Variants in COMMD10 observed in about 807,000 individuals in gnomAD.
COMMD10 encodes the protein COMM domain containing 10.
COMMD10 carries 33 observed loss-of-function variants against 28.9 expected under a neutral mutation model. The ratio of observed to expected loss-of-function variants is 1.14; its 90% CI spans 0.87 to 1.53. The LOEUF (loss-of-function observed/expected upper bound fraction) is 1.53. COMMD10 is among the 40% of genes most tolerant of loss of function. The pLI, the probability that COMMD10 is intolerant of heterozygous loss-of-function variation, is 0.00. For missense variants in COMMD10, 310 were observed against 233.4 expected, an observed-to-expected ratio of 1.33 and a Z score of -2.14; for synonymous variants, 110 against 81.7, an observed-to-expected ratio of 1.35 and a Z score of -1.87.
At chr5:116,226,883 G>T (rs1020588110) in intron 5 of COMMD10, among the ~76,000 whole-genome samples, 2 of 151,962 alleles carry the variant, frequency 1.3e-5, no homozygotes, top group African/African-American at 4.8e-5. Flanking sequence ...CTTTACATAT[G>T]GTCAGATTGC....
At chr5:116,127,417 C>T (rs1159511830) in intron 4 of COMMD10, among the ~76,000 whole-genome samples, 2 of 152,156 alleles carry the variant, frequency 1.3e-5, no homozygotes, top group Non-Finnish European at 2.9e-5. Context: ...CCAGCCATCC[C>T]ATTACTAGGT....
intron 5 of COMMD10, among the ~76,000 whole-genome samples, chr5:116,137,774 C>G (rs938015202): frequency 2.0e-5 from 3 of 151,992 alleles, no homozygotes; most frequent in Non-Finnish European, 4.4e-5. Flanking sequence ...TAGAACACTT[C>G]TGTCTCGAGG....
intron 4 of COMMD10, among the ~76,000 whole-genome samples, chr5:116,113,446 A>G (rs116174988): frequency 1.6e-3 from 243 of 149,522 alleles, no homozygotes; most frequent in Non-Finnish European, 2.8e-3. Flanking sequence ...CATAAGTTCA[A>G]TGCTGTATGC....
At chr5:116,152,136 A>G (rs907863351) in intron 5 of COMMD10, among the ~76,000 whole-genome samples, 5 of 152,020 alleles carry the variant, frequency 3.3e-5, no homozygotes, top group Non-Finnish European at 4.4e-5. Flanking sequence ...TTCAGGAGCA[A>G]GTTGTTCAGT....
intron 5 of COMMD10, among the ~76,000 whole-genome samples, chr5:116,167,051 C>G (rs1753144314): frequency 6.6e-6 from 1 of 151,882 alleles, no homozygotes; most frequent in African/African-American, 2.4e-5. Flanking sequence ...ACAAACTTCT[C>G]CGAGCTAAAG....
intron 5 of COMMD10, among the ~76,000 whole-genome samples, chr5:116,246,321 A>T (rs1261531349): frequency 6.6e-6 from 1 of 152,160 alleles, no homozygotes; most frequent in African/African-American, 2.4e-5. Context: ...AACACTGCTT[A>T]AAGAAATCAG....
chr5:116,279,092 G>A (rs572042094), intron 5 of COMMD10, among the ~76,000 whole-genome samples: 8 of 151,840 alleles, frequency 5.3e-5, no homozygotes, highest in Admixed American at 3.3e-4. Flanking sequence ...GTGCATGCAT[G>A]CAATTGGAAG....
At chr5:116,133,281 G>A (rs1398455734) in intron 4 of COMMD10, among the ~76,000 whole-genome samples, 1 of 152,188 alleles carries the variant, frequency 6.6e-6, no homozygotes, top group Non-Finnish European at 1.5e-5. Context: ...GAGCTGTGAA[G>A]TTCAGTATAA....
At chr5:116,287,187 T>G (rs534205661) in intron 5 of COMMD10, among the ~76,000 whole-genome samples, 1 of 151,798 alleles carries the variant, frequency 6.6e-6, no homozygotes, top group Non-Finnish European at 1.5e-5. Context: ...TTGTACTTTT[T>G]CTTAAAGCTG....
Position 116,228,415 on chromosome 5 carries a change from T to C in COMMD10, c.511-63102T>C, listed in dbSNP as rs185828686. On this transcript the variant is annotated intron_variant, in intron 5 of 6. Coordinates refer to ENST00000274458, the MANE Select transcript of COMMD10 (RefSeq NM_016144.4). Reference sequence around the variant, plus strand: ...CAATGACACAAGCTATATGTTAATATTAAATTAATATAGACAAATTAAAGA... The same window carrying C: ...CAATGACACAAGCTATATGTTAATACTAAATTAATATAGACAAATTAAAGA... Among the ~76,000 whole-genome samples, 1,230 of 152,064 alleles carry C rather than the reference T, an allele frequency of 8.1e-3. 22 individuals are homozygous for C. Among genetic ancestry groups the C allele is most frequent in the African/African-American group, 0.028 (1,154 of 41,526 alleles).
At chr5:116,201,697 A>G (rs1193978219) in intron 5 of COMMD10, among the ~76,000 whole-genome samples, 1 of 152,108 alleles carries the variant, frequency 6.6e-6, no homozygotes, top group Admixed American at 6.6e-5. Context: ...CAGAAATCCC[A>G]GCTTAATGTC....
At chr5:116,219,139 A>G (rs1299553176) in intron 5 of COMMD10, among the ~76,000 whole-genome samples, 4 of 152,144 alleles carry the variant, frequency 2.6e-5, no homozygotes, top group South Asian at 2.1e-4. Flanking sequence ...CCTGCGGACA[A>G]CTTGATCTTG....
At chr5:116,255,673 T>C (rs1384616686) in intron 5 of COMMD10, 1 of 151,590 alleles carries the variant, frequency 6.6e-6, no homozygotes, top group Non-Finnish European at 1.5e-5. Context: ...AATTTAATAA[T>C]AGCATAAGCT....
At chr5:116,130,393 G>T (rs1751824807) in intron 4 of COMMD10, among the ~76,000 whole-genome samples, 1 of 151,892 alleles carries the variant, frequency 6.6e-6, no homozygotes, top group Non-Finnish European at 1.5e-5. Flanking sequence ...TCACTTATTA[G>T]TTTTCTGTTA....
intron 5 of COMMD10, among the ~76,000 whole-genome samples, chr5:116,166,820 C>T (rs182485327): frequency 3.7e-4 from 57 of 152,110 alleles, no homozygotes; most frequent in African/African-American, 1.3e-3. Flanking sequence ...AACGGACATC[C>T]ACACAAAAAC....
rs114854936 is a variant in COMMD10 at position 116,276,724 on chromosome 5, C to T, written c.511-14793C>T. The stretch of plus-strand genomic sequence containing the variant: ...TACATGCTACAACATGGATACATCT[C>T]AAAAATATTATATTAAATGAATGAA... On this transcript the variant is annotated intron_variant, in intron 5 of 6. Coordinates refer to ENST00000274458, the MANE Select transcript of COMMD10 (RefSeq NM_016144.4). Among the ~76,000 whole-genome samples, 219 of 151,684 alleles carry T rather than the reference C, an allele frequency of 1.4e-3. 5 individuals carry two copies. The highest frequency in any genetic ancestry group is 4.9e-3 in the African/African-American group (203 of 41,142).
At chr5:116,096,851 T>C (rs1380289377) in intron 4 of COMMD10, among the ~76,000 whole-genome samples, 1 of 152,142 alleles carries the variant, frequency 6.6e-6, no homozygotes, top group East Asian at 1.9e-4. Context: ...CCTCTATAGA[T>C]TTTAAGCTTT....
intron 5 of COMMD10, among the ~76,000 whole-genome samples, chr5:116,135,571 G>A (rs1412282743): frequency 6.6e-6 from 1 of 152,074 alleles, no homozygotes; most frequent in African/African-American, 2.4e-5. Context: ...TCAGTTACCC[G>A]CGGTCAACTG....
chr5:116,106,634 T>C (rs1164975356), intron 4 of COMMD10, among the ~76,000 whole-genome samples: 1 of 152,176 alleles, frequency 6.6e-6, no homozygotes, highest in Non-Finnish European at 1.5e-5. Context: ...TCTTTGTAGG[T>C]CTCTAAGAAC....
Sources: gnomAD v4.1 joint callset for allele counts (sites outside exome capture counted in the v4.1 genomes callset) on GRCh38, gnomAD v4.1.1 for gene constraint, MANE v1.5 for transcripts, NCBI Gene and HGNC (gene_info 2026-07-23, HGNC 2026-07-21) for gene names.